The following MPDZ variants were observed in gnomAD, a reference collection of about 807,000 sequenced individuals.
The protein encoded by MPDZ is multiple PDZ domain protein.
MPDZ carries 234 observed loss-of-function variants against 239.1 expected under a neutral mutation model. The ratio of observed to expected loss-of-function variants is 0.98; its 90% CI spans 0.88 to 1.09. MPDZ has a LOEUF of 1.09. Ranked by LOEUF, MPDZ falls within the 50% of genes least tolerant of loss-of-function variation. The pLI, the probability that MPDZ is intolerant of heterozygous loss-of-function variation, is 0.00. For synonymous variants in MPDZ, 1,048 were observed against 881.3 expected (o/e 1.19, Z -3.35); for missense variants, 3,175 against 2,510.0 (o/e 1.26, Z -5.66).
Position 13,150,662 on chromosome 9 carries a change from T to A in MPDZ, c.3479A>T (p.Lys1160Ile). ...ACCAACAATGCTGATGCCTAAGGAT[T>A]TGCTTGGTTCTCTCCAGAGTTCCAC... ...RRVELWREPS[K>I]SLGISIVGGR... is the part of the protein sequence containing the mutation. Residue 1160 changes from lysine (K) to isoleucine (I), a missense_variant, in exon 25 of 47, where the codon AAA (lysine) becomes ATA (isoleucine). Lys to Ile is a moderately radical substitution (Grantham distance 102, BLOSUM62 -3). Coordinates refer to ENST00000319217, the MANE Select transcript of MPDZ (RefSeq NM_001378778.1). The A allele has an allele frequency of 1.4e-6, 2 of 1,442,658 alleles. No individual in the cohort carries two copies. Among genetic ancestry groups the A allele is most frequent in the Non-Finnish European group, 1.8e-6 (2 of 1,090,232 alleles). The allele number at this position is 1,442,658 out of a possible 1,614,324, so 89.4% of individuals were successfully genotyped here.
intron 15 of MPDZ, 48 bp from the exon 16 acceptor site, chr9:13,190,347 A>T: frequency 2.1e-6 from 3 of 1,424,770 alleles, no homozygotes; most frequent in Non-Finnish European, 2.8e-6. Context: ...GCATTAGCTG[A>T]CACACATACC....
At chr9:13,107,788 G>A (rs1001369022) in intron 46 of MPDZ, among the ~76,000 whole-genome samples, 4 of 152,020 alleles carry the variant, frequency 2.6e-5, no homozygotes, top group Non-Finnish European at 4.4e-5. Flanking sequence ...CTTAAAGCAC[G>A]CTTATAGAAG....
At chr9:13,254,808 A>G (rs1005254349) in intron 1 of MPDZ, among the ~76,000 whole-genome samples, 2 of 152,226 alleles carry the variant, frequency 1.3e-5, no homozygotes, top group African/African-American at 2.4e-5. Flanking sequence ...GCTAGTGATC[A>G]TCTGAGCCTT....
intron 6 of MPDZ, 134 bp from the exon 7 acceptor site, chr9:13,221,634 T>C (rs899519737): frequency 3.5e-6 from 3 of 868,906 alleles, no homozygotes; most frequent in East Asian, 5.7e-5. Context: ...GTCCTAACAA[T>C]GTCCCTTTCA....
chr9:13,244,150 G>A (rs936838547), intron 3 of MPDZ, among the ~76,000 whole-genome samples: 3 of 152,122 alleles, frequency 2.0e-5, no homozygotes, highest in Admixed American at 1.3e-4. Context: ...TAGTGCCACT[G>A]GTCAATTCTT....
At chr9:13,185,516 T>G (rs1361062357) in intron 18 of MPDZ, among the ~76,000 whole-genome samples, 3 of 152,194 alleles carry the variant, frequency 2.0e-5, no homozygotes, top group Admixed American at 6.6e-5. Flanking sequence ...AAACGTTGAG[T>G]AAGGAACCTA....
Position 13,131,888 on chromosome 9 carries a change from C to T in MPDZ, c.4464+1936G>A, listed in dbSNP as rs539578409. On this transcript the variant is annotated intron_variant, in intron 32 of 46. Transcript: ENST00000319217. ...GCTCACCATGGAACAAATGGCTTGC[C>T]TATTGCCCAGAGAAGTTAAGTGACT... Among the ~76,000 whole-genome samples the T allele has an allele frequency of 3.3e-5, 5 of 152,278 alleles. No homozygotes were observed. The East Asian group carries it at 7.7e-4, about 24-fold the overall frequency.
intron 19 of MPDZ, among the ~76,000 whole-genome samples, chr9:13,178,496 T>C (rs569635908): frequency 5.3e-5 from 8 of 152,310 alleles, no homozygotes; most frequent in Non-Finnish European, 8.8e-5. Flanking sequence ...GATTTTTCTC[T>C]GAGTTCAAAT....
At chr9:13,187,227 A>G (rs1396404728) in intron 17 of MPDZ, among the ~76,000 whole-genome samples, 1 of 152,140 alleles carries the variant, frequency 6.6e-6, no homozygotes, top group African/African-American at 2.4e-5. Context: ...TATTTATCAT[A>G]TGCTGCAAGG....
Position 13,221,508 on chromosome 9 carries a change from C to CA in MPDZ, c.748-9dup. The CA allele has an allele frequency of 6.2e-7, 1 of 1,607,606 alleles. No homozygotes were observed. Among genetic ancestry groups the CA allele is most frequent in the South Asian group, 1.1e-5 (1 of 90,090 alleles). ...CATGTGTTGCCAGTGAACCTACAAA[C>CA]AAAGCTCATATATGAATTTGTAGAA... On this transcript the variant is annotated splice_polypyrimidine_tract_variant and intron_variant, in intron 6 of 46. Transcript: ENST00000319217.
rs1291365629 is a variant in MPDZ, at chr9:13,224,413, A to G, written c.354T>C (p.Ala118=). Residue 118 remains alanine, a synonymous_variant, in exon 4 of 47, where the codon GCT becomes GCC. Transcript: ENST00000319217. ...TGATAAGCTGATCAAATTCATCACA[A>G]GCAGGTTTCCCATTAATGTGTGGAA... ...PGIPHINGKP[A]CDEFDQLIKN... 3.1e-6 allele frequency: 5 copies of G among 1,612,776 alleles called. No individual in the cohort carries two copies. In the East Asian group the frequency reaches 8.9e-5, roughly 29 times the overall value.
intron 19 of MPDZ, among the ~76,000 whole-genome samples, chr9:13,179,418 G>C (rs1952972326): frequency 1.3e-5 from 2 of 152,106 alleles, no homozygotes; most frequent in African/African-American, 4.8e-5. Context: ...GTTAGCTGGG[G>C]TGTACTGTAA....
At chr9:13,115,799 G>A (rs1719921924) in intron 39 of MPDZ, among the ~76,000 whole-genome samples, 1 of 151,838 alleles carries the variant, frequency 6.6e-6, no homozygotes, top group South Asian at 2.1e-4. Flanking sequence ...CAAAAAAATA[G>A]CTGGGCGTGG....
At chr9:13,117,948 G>A (rs936713965) in intron 39 of MPDZ, among the ~76,000 whole-genome samples, 7 of 150,792 alleles carry the variant, frequency 4.6e-5, no homozygotes, top group African/African-American at 1.2e-4. Flanking sequence ...GGGTTCAGGC[G>A]ATTCTCCTGC....
In MPDZ at chr9:13,236,245, G is replaced by GTATATATATATATATA. The variant is rs774590252; in HGVS notation, c.183+11389_183+11390insTATATATATATATATA. ...TGTGTGTATATGTATATGTGTGTGTGTGTGTATATATATATATATATATTT... is the reference window on the plus strand; with the variant it reads ...TGTGTGTATATGTATATGTGTGTGTGTATATATATATATATATGTGTATATATATATATATATATTT... On this transcript the variant is annotated intron_variant, in intron 3 of 46. Coordinates refer to ENST00000319217, the MANE Select transcript of MPDZ (RefSeq NM_001378778.1). 8.2e-3 allele frequency among the ~76,000 whole-genome samples: 110 copies of GTATATATATATATATA among 13,442 alleles called. 17 individuals carry two copies. Among genetic ancestry groups the GTATATATATATATATA allele is most frequent in the East Asian group, 0.026 (2 of 78 alleles). The allele number at this position is 13,442 out of a possible 152,430, so 8.8% of individuals were successfully genotyped here. A position where few individuals can be genotyped will look rare whatever the true frequency, so the allele number is the denominator to read the frequency against.
At chr9:13,148,505 A>C (rs889754088) in intron 25 of MPDZ, among the ~76,000 whole-genome samples, 1 of 152,074 alleles carries the variant, frequency 6.6e-6, no homozygotes, top group African/African-American at 2.4e-5. Flanking sequence ...GAACATTATT[A>C]TCTTTAAAAG....
intron 3 of MPDZ, among the ~76,000 whole-genome samples, chr9:13,237,979 A>T (rs1964504454): frequency 6.6e-6 from 1 of 152,222 alleles, no homozygotes; most frequent in African/African-American, 2.4e-5. Context: ...TGTAGTAGAG[A>T]GTGAAATACT....
intron 1 of MPDZ, among the ~76,000 whole-genome samples, chr9:13,256,443 C>G (rs977259454): frequency 6.6e-6 from 1 of 152,194 alleles, no homozygotes; most frequent in Non-Finnish European, 1.5e-5. Context: ...TTCAACATGC[C>G]TTCTTCACTA....
chr9:13,225,468 G>C (rs1388101900), intron 3 of MPDZ, among the ~76,000 whole-genome samples: 1 of 151,682 alleles, frequency 6.6e-6, no homozygotes, highest in Non-Finnish European at 1.5e-5. Flanking sequence ...TAATGTCGTA[G>C]GCCTTCACAT....
Sources: gnomAD v4.1 joint callset for allele counts (sites outside exome capture counted in the v4.1 genomes callset) on GRCh38, gnomAD v4.1.1 for gene constraint, MANE v1.5 for transcripts, NCBI Gene and HGNC (gene_info 2026-07-23, HGNC 2026-07-21) for gene names.